Variants in ASB3 observed in about 807,000 individuals in gnomAD.
The protein encoded by ASB3 is ankyrin repeat and SOCS box containing 3.
In ASB3, 41 loss-of-function variants were observed where a neutral mutation model predicts 54.5. The ratio of observed to expected loss-of-function variants is 0.75; its 90% confidence interval spans 0.59 to 0.98. The LOEUF (loss-of-function observed/expected upper bound fraction) is 0.98. ASB3 is among the 50% of genes least tolerant of loss of function. The pLI, the probability that ASB3 is intolerant of heterozygous loss-of-function variation, is 0.00. For synonymous variants in ASB3, 266 were observed against 221.2 expected (o/e 1.20, Z -1.80); for missense variants, 733 against 620.0 (o/e 1.18, Z -1.94).
chr2:53,784,149 C>T (rs1349575932), intron 1 of ASB3, among the ~76,000 whole-genome samples: 2 of 152,064 alleles, frequency 1.3e-5, no homozygotes, highest in Admixed American at 6.5e-5. Flanking sequence ...AGTTTTATAG[C>T]GAATGATGAT....
Position 53,716,701 on chromosome 2 carries a change from A to G in ASB3, c.647T>C (p.Leu216Ser). The G allele has an allele frequency of 1.2e-6, 2 of 1,614,162 alleles. No homozygotes were observed. Among genetic ancestry groups the G allele is most frequent in the Non-Finnish European group, 1.7e-6 (2 of 1,180,018 alleles). ...GTGTCCCTCTTGAGCAGCAATGAACAAGGGTGTAGCTTTGTCCAAGGCTTG... is the reference window on the plus strand; with the variant it reads ...GTGTCCCTCTTGAGCAGCAATGAACGAGGGTGTAGCTTTGTCCAAGGCTTG... ...NCQALDKATP[L>S]FIAAQEGHTK... The change falls in exon 6 of 10, where the codon TTG (leucine) becomes TCG (serine). Residue 216 changes from leucine to serine, a missense_variant. Transcript: ENST00000263634.
chr2:53,689,887 G>A (rs1668817439), intron 9 of ASB3, among the ~76,000 whole-genome samples: 1 of 152,070 alleles, frequency 6.6e-6, no homozygotes, highest in Non-Finnish European at 1.5e-5. Context: ...TCTGCACTCT[G>A]ATACTTCTTA....
At chr2:53,738,153 C>T (rs1286960145) in intron 3 of ASB3, among the ~76,000 whole-genome samples, 2 of 152,160 alleles carry the variant, frequency 1.3e-5, no homozygotes, top group African/African-American at 2.4e-5. Flanking sequence ...TGATAATCAC[C>T]TAATCAATGG....
intron 1 of ASB3, among the ~76,000 whole-genome samples, chr2:53,777,876 G>A (rs1674430407): frequency 6.6e-6 from 1 of 152,090 alleles, no homozygotes; most frequent in South Asian, 2.1e-4. Context: ...GCCAGGTGTG[G>A]TAGCTAACGC....
chr2:53,670,535 C>G lies in ASB3; in HGVS notation c.1525G>C (p.Val509Leu). 6.2e-7 allele frequency: 1 copy of G among 1,613,820 alleles called. No homozygotes were observed. The part of the protein sequence containing the change: ...LYEDVLRMYE[V>L]PELAAIQDG The stretch of plus-strand genomic sequence containing the variant: ...TCTTGAATAGCTGCCAGTTCTGGAA[C>G]TTCATACATCCTCAGAACGTCTTCA... The change falls in exon 10 of 10, where the codon GTT becomes CTT. Residue 509 changes from valine to leucine, a missense_variant. Coordinates refer to ENST00000263634, the MANE Select transcript of ASB3 (RefSeq NM_016115.5).
chr2:53,725,621 C>A (rs1049537281), intron 5 of ASB3, among the ~76,000 whole-genome samples: 29 of 152,174 alleles, frequency 1.9e-4, no homozygotes, highest in Non-Finnish European at 3.2e-4. Context: ...GATGTTGTTA[C>A]ATGACCATGA....
At chr2:53,764,332 G>GA (rs1429624659) in intron 2 of ASB3, among the ~76,000 whole-genome samples, 2 of 151,382 alleles carry the variant, frequency 1.3e-5, no homozygotes, top group African/African-American at 2.4e-5. Flanking sequence ...GGTATGAGAG[G>GA]AAAAAAAAGG....
chr2:53,721,819 T>A (rs1446034573), intron 5 of ASB3, among the ~76,000 whole-genome samples: 2 of 151,678 alleles, frequency 1.3e-5, no homozygotes, highest in East Asian at 1.9e-4. Context: ...CCAAAGCTAT[T>A]AGAAGAAAAA....
intron 2 of ASB3, among the ~76,000 whole-genome samples, chr2:53,762,263 A>G (rs1417069188): frequency 1.3e-5 from 2 of 152,182 alleles, no homozygotes; most frequent in Non-Finnish European, 2.9e-5. Flanking sequence ...AAATATGAGA[A>G]AAAGAAAGGA....
chr2:53,775,964 C>T (rs1674311124), intron 1 of ASB3, among the ~76,000 whole-genome samples: 1 of 152,164 alleles, frequency 6.6e-6, no homozygotes. Flanking sequence ...TATTAACTCA[C>T]ATAGAATTAA....
At chr2:53,700,739 T>C (rs1023004606) in intron 7 of ASB3, among the ~76,000 whole-genome samples, 2 of 152,148 alleles carry the variant, frequency 1.3e-5, no homozygotes, top group African/African-American at 4.8e-5. Flanking sequence ...TTTTCAACTG[T>C]GAACAGGTAT....
At chr2:53,707,256 C>G (rs927603615) in intron 7 of ASB3, among the ~76,000 whole-genome samples, 12 of 152,176 alleles carry the variant, frequency 7.9e-5, no homozygotes, top group African/African-American at 2.9e-4. Flanking sequence ...TGGCTGGTGG[C>G]TACCAATTTG....
At chr2:53,769,451 T>C (rs950503528) in intron 1 of ASB3, among the ~76,000 whole-genome samples, 6 of 152,344 alleles carry the variant, frequency 3.9e-5, no homozygotes, top group Admixed American at 2.6e-4. Context: ...TTGACGAAAA[T>C]GTACAGTGTG....
intron 5 of ASB3, among the ~76,000 whole-genome samples, chr2:53,719,158 C>T (rs987806792): frequency 2.0e-5 from 3 of 152,084 alleles, no homozygotes; most frequent in Non-Finnish European, 2.9e-5. Context: ...CTCTTGACCT[C>T]GTGATCCACC....
At chr2:53,769,842 C>CA (rs950177394) in intron 1 of ASB3, among the ~76,000 whole-genome samples, 14 of 149,718 alleles carry the variant, frequency 9.4e-5, no homozygotes, top group African/African-American at 2.7e-4. Context: ...AATTCCGTCT[C>CA]AAAAAAAAAG....
intron 7 of ASB3, among the ~76,000 whole-genome samples, chr2:53,712,967 T>C (rs112702094): frequency 5.3e-5 from 8 of 152,156 alleles, no homozygotes; most frequent in African/African-American, 4.8e-5. Flanking sequence ...GAAAATCCTA[T>C]GAAATCATGA....
chr2:53,775,175 T>G (rs1191915707), intron 1 of ASB3: 1 of 152,640 alleles, frequency 6.6e-6, no homozygotes, highest in Non-Finnish European at 1.5e-5. Flanking sequence ...ATAAATTACA[T>G]TATACAAATC....
At chr2:53,696,078 T>C (rs12621547) in intron 8 of ASB3, among the ~76,000 whole-genome samples, 18,555 of 152,178 alleles carry the variant, frequency 0.12, 1,154 homozygotes, top group East Asian at 0.19. Flanking sequence ...AGTGTAAACA[T>C]TGGCTTTACC....
intron 1 of ASB3, among the ~76,000 whole-genome samples, chr2:53,784,620 T>C (rs1230011516): frequency 6.6e-6 from 1 of 152,198 alleles, no homozygotes; most frequent in Non-Finnish European, 1.5e-5. Flanking sequence ...TTAGCATTCC[T>C]TGTCTTATAG....
Sources: gnomAD v4.1 joint callset for allele counts (sites outside exome capture counted in the v4.1 genomes callset) on GRCh38, gnomAD v4.1.1 for gene constraint, MANE v1.5 for transcripts, NCBI Gene and HGNC (gene_info 2026-07-23, HGNC 2026-07-21) for gene names.